Variants in PRKDC observed in about 807,000 individuals in gnomAD.
PRKDC encodes DNA-dependent protein kinase catalytic subunit.
In PRKDC, 82 loss-of-function variants were observed where a neutral mutation model predicts 486.9. The ratio of observed to expected loss-of-function variants is 0.17; its 90% CI spans 0.14 to 0.20. The LOEUF is 0.20. Among genes scored for constraint, PRKDC ranks in the 10% least tolerant of loss-of-function variants. The pLI, the probability that PRKDC is intolerant of heterozygous loss-of-function variation, is 1.00. For synonymous variants in PRKDC, 1,895 were observed against 1,837.0 expected, an observed-to-expected ratio of 1.03 and a Z score of -0.81; for missense variants, 4,504 against 5,038.2, an observed-to-expected ratio of 0.89 and a Z score of 3.21.
chr8:47,877,924 TA>T, intron 39 of PRKDC, 73 bp from the exon 40 acceptor site: 7 of 1,094,014 alleles, frequency 6.4e-6, no homozygotes, highest in Non-Finnish European at 8.3e-6. Flanking sequence ...AATTATATAC[TA>T]AAAATATAAA....
chr8:47,932,937 G>T, intron 16 of PRKDC, 83 bp downstream of exon 16: 1 of 1,245,020 alleles, frequency 8.0e-7, no homozygotes, highest in Non-Finnish European at 1.1e-6. Context: ...CTCTACAAAT[G>T]TGCTATTGTC....
At chr8:47,793,445 G>A (rs542215446) in intron 74 of PRKDC, among the ~76,000 whole-genome samples, 3 of 151,800 alleles carry the variant, frequency 2.0e-5, no homozygotes, top group African/African-American at 7.2e-5. Context: ...TTCGAGACCA[G>A]CCTGGCCAAG....
intron 9 of PRKDC, 125 bp downstream of exon 9, chr8:47,943,728 T>C: frequency 1.1e-6 from 1 of 882,304 alleles, no homozygotes; most frequent in South Asian, 1.8e-5. Context: ...TCCCTGTAAA[T>C]AACTGTGTGT....
At position 47,918,427 on chromosome 8, in the gene PRKDC, A is replaced by G. The variant is rs777827278; in HGVS notation, c.2420-44T>C. On this transcript the variant is annotated intron_variant, in intron 21 of 85. Coordinates refer to ENST00000314191, the MANE Select transcript of PRKDC (RefSeq NM_006904.7). Reference sequence around the variant, plus strand: ...AATAAATTTAAAATAGCACTCATTCATTCATTTAATGTACATTAGAGGCAA... The same window carrying G: ...AATAAATTTAAAATAGCACTCATTCGTTCATTTAATGTACATTAGAGGCAA... The G allele has an allele frequency of 1.7e-5, 20 of 1,198,164 alleles. No individual in the cohort carries two copies. In the South Asian group the frequency reaches 3.6e-4, roughly 22 times the overall value. The allele number at this position is 1,198,164 out of a possible 1,614,324, so 74.2% of individuals were successfully genotyped here.
intron 30 of PRKDC, among the ~76,000 whole-genome samples, chr8:47,895,670 G>C (rs555048730): frequency 6.6e-6 from 1 of 152,038 alleles, no homozygotes; most frequent in Non-Finnish European, 1.5e-5. Context: ...ACTCTTCAAT[G>C]ACTAATTTCA....
chr8:47,841,663 G>A (rs1350321808), intron 54 of PRKDC, among the ~76,000 whole-genome samples: 1 of 152,206 alleles, frequency 6.6e-6, no homozygotes, highest in African/African-American at 2.4e-5. Context: ...AGAACACTGA[G>A]TAGAGTGAGA....
In PRKDC at chr8:47,890,373, C is replaced by T. The variant is rs182911589; in HGVS notation, c.3955G>A (p.Gly1319Ser). ...AEKCFGTGAA[G>S]NRTSPQEGER... ...CCCTCTTGTGGGCTTGTTCTGTTAC[C>T]TGCTGCCCCAGTGCCAAAGCACTTT... Residue 1319 changes from glycine (G) to serine (S), a missense_variant, in exon 32 of 86, where the codon GGT (glycine) becomes AGT (serine). Gly to Ser is a moderately conservative substitution (Grantham distance 56, BLOSUM62 0). Transcript: ENST00000314191. 2 of 1,612,684 alleles carry T rather than the reference C, an allele frequency of 1.2e-6. No homozygotes were observed. The highest frequency in any genetic ancestry group is 1.1e-5 in the South Asian group (1 of 90,704).
At chr8:47,807,015 GA>G in intron 69 of PRKDC, 121 bp downstream of exon 69, 22 of 1,038,288 alleles carry the variant, frequency 2.1e-5, no homozygotes, top group East Asian at 2.8e-5. Flanking sequence ...TATAAAGAGA[GA>G]AAAAAAATAA....
At chr8:47,958,096 A>T (rs1257681526) in intron 1 of PRKDC, among the ~76,000 whole-genome samples, 1 of 152,226 alleles carries the variant, frequency 6.6e-6, no homozygotes, top group African/African-American at 2.4e-5. Context: ...AGCCCAATGT[A>T]ATCACACAGG....
intron 51 of PRKDC, among the ~76,000 whole-genome samples, chr8:47,853,400 CCAAA>C (rs940418086): frequency 6.6e-6 from 1 of 152,196 alleles, no homozygotes; most frequent in African/African-American, 2.4e-5. Context: ...ACACGGAGGA[CCAAA>C]CAGAGAGAGT....
At chr8:47,925,471 T>A (rs1328992833) in intron 21 of PRKDC, among the ~76,000 whole-genome samples, 1 of 152,126 alleles carries the variant, frequency 6.6e-6, no homozygotes, top group South Asian at 2.1e-4. Context: ...CTATCCCACA[T>A]TAAAGAAAGC....
At chr8:47,806,998 GT>G (rs2087225854) in intron 69 of PRKDC, 138 bp downstream of exon 69, 1 of 859,280 alleles carries the variant, frequency 1.2e-6, no homozygotes, top group Non-Finnish European at 1.7e-6. Flanking sequence ...ACCCGGCCAA[GT>G]TTACTTATAA....
intron 73 of PRKDC, among the ~76,000 whole-genome samples, chr8:47,796,597 TTTG>T (rs572060629): frequency 0.027 from 4,164 of 151,888 alleles, 187 homozygotes; most frequent in African/African-American, 0.094. Context: ...CATTTTTTTT[TTTG>T]TTGTTGTTGT....
intron 63 of PRKDC, among the ~76,000 whole-genome samples, chr8:47,824,586 G>A (rs950384783): frequency 7.9e-5 from 12 of 151,230 alleles, no homozygotes; most frequent in African/African-American, 2.4e-4. Flanking sequence ...ATCTACAGGC[G>A]AACCATTTGG....
chr8:47,845,151 G>A (rs1414517620), intron 54 of PRKDC, among the ~76,000 whole-genome samples: 30 of 152,266 alleles, frequency 2.0e-4, no homozygotes, highest in Admixed American at 2.0e-3. Context: ...AACCCGGGAG[G>A]TGGAGGTTGC....
intron 59 of PRKDC, among the ~76,000 whole-genome samples, chr8:47,833,839 A>G (rs1448030116): frequency 6.6e-6 from 1 of 151,714 alleles, no homozygotes; most frequent in Non-Finnish European, 1.5e-5. Context: ...TCCTCCACCC[A>G]GTCTTTTTGG....
chr8:47,911,596 G>C (rs1186242267), intron 25 of PRKDC, among the ~76,000 whole-genome samples: 1 of 152,062 alleles, frequency 6.6e-6, no homozygotes, highest in East Asian at 1.9e-4. Context: ...TTTTGAATGA[G>C]TTTTGCATTT....
intron 40 of PRKDC, among the ~76,000 whole-genome samples, chr8:47,870,530 A>G (rs761999822): frequency 6.6e-6 from 1 of 152,220 alleles, no homozygotes; most frequent in Non-Finnish European, 1.5e-5. Flanking sequence ...TGGCCCCTAA[A>G]GCAGACATGG....
At chr8:47,808,586 T>C (rs1021146270) in intron 68 of PRKDC, among the ~76,000 whole-genome samples, 4 of 152,226 alleles carry the variant, frequency 2.6e-5, no homozygotes, top group African/African-American at 9.6e-5. Flanking sequence ...GCAATCCTCC[T>C]GCCTCAGCCT....
Sources: allele counts gnomAD v4.1 joint callset (sites outside exome capture counted in the v4.1 genomes callset), GRCh38; gene constraint gnomAD v4.1.1; transcripts MANE v1.5; gene names NCBI Gene and HGNC (gene_info 2026-07-23, HGNC 2026-07-21).